The following POMP variants were observed in gnomAD, a reference collection of about 807,000 sequenced individuals.
The protein encoded by POMP is 2510048O06Rik.
POMP carries 12 observed loss-of-function variants against 20.6 expected under a neutral mutation model. The observed-to-expected ratio is 0.58, with a 90% CI of 0.37 to 0.94. The LOEUF (loss-of-function observed/expected upper bound fraction) is 0.94. Among genes scored for constraint, POMP ranks in the 40% least tolerant of loss-of-function variants. The pLI, the probability that POMP is intolerant of heterozygous loss-of-function variation, is 0.01. For synonymous variants in POMP, 53 were observed against 55.0 expected (o/e 0.96, Z 0.16); for missense variants, 136 against 161.1 (o/e 0.84, Z 0.84).
At chr13:28,662,380 A>G (rs1003419014) in intron 1 of POMP, 30 bp from the exon 2 acceptor site, 2 of 1,549,954 alleles carry the variant, frequency 1.3e-6, no homozygotes, top group Non-Finnish European at 1.8e-6. Context: ...TTTTTTTTCT[A>G]TTTAATAATG....
At chr13:28,676,296 G>A (rs1593176411) in intron 5 of POMP, among the ~76,000 whole-genome samples, 2 of 152,122 alleles carry the variant, frequency 1.3e-5, no homozygotes, top group South Asian at 2.1e-4. Flanking sequence ...GGGCCACCGC[G>A]CCTGGCCGGG....
chr13:28,662,903 G>A (rs566636295), intron 2 of POMP, among the ~76,000 whole-genome samples: 1 of 152,250 alleles, frequency 6.6e-6, no homozygotes, highest in African/African-American at 2.4e-5. Flanking sequence ...GGTTTGGATC[G>A]TGGCTCTGCT....
At position 28,664,495 on chromosome 13, in the gene POMP, T is replaced by C; in HGVS notation, c.102-14T>C. ...TAATCTCCTCTAAATGTTTTTTTTT[T>C]AATGTCCTTTCAGTTTTTCTTGTGT... is the stretch of plus-strand genomic sequence containing the variant. On this transcript the variant is annotated splice_polypyrimidine_tract_variant and intron_variant, in intron 2 of 5. Coordinates refer to ENST00000380842, the MANE Select transcript of POMP (RefSeq NM_015932.6). The C allele has an allele frequency of 6.5e-7, 1 of 1,546,138 alleles. No individual in the cohort carries two copies. The highest frequency in any genetic ancestry group is 8.9e-7 in the Non-Finnish European group (1 of 1,121,544).
At chr13:28,677,691 A>G (rs1200103995) in intron 5 of POMP, among the ~76,000 whole-genome samples, 2 of 151,718 alleles carry the variant, frequency 1.3e-5, no homozygotes, top group Non-Finnish European at 2.9e-5. Flanking sequence ...AAGAACTTTG[A>G]AAAAAAAACT....
chr13:28,660,038 T>C (rs1443350975), intron 1 of POMP: 7 of 152,250 alleles, frequency 4.6e-5, no homozygotes, highest in Non-Finnish European at 1.0e-4. Flanking sequence ...CAGCAAGTAC[T>C]AATCTTGATA....
chr13:28,668,538 G>A lies in POMP; in HGVS notation c.228G>A (p.Pro76=), dbSNP rs374762257. 48 of 1,612,456 alleles carry A rather than the reference G, an allele frequency of 3.0e-5. No individual in the cohort carries two copies. The highest frequency in any genetic ancestry group is 1.8e-4 in the East Asian group (8 of 44,834). ...TLRNIQGLFA[P]LKLQMEFKAV... ...GAAACATTCAGGGTCTATTTGCTCC[G>A]CTAAAATTACAGATGGAATTCAAGG... The change falls in exon 4 of 6, where the codon CCG becomes CCA. Residue 76 remains proline (P), a synonymous_variant. Coordinates refer to ENST00000380842, the MANE Select transcript of POMP (RefSeq NM_015932.6).
chr13:28,671,253 T>G (rs1884540478), intron 4 of POMP, among the ~76,000 whole-genome samples: 1 of 152,162 alleles, frequency 6.6e-6, no homozygotes, highest in Non-Finnish European at 1.5e-5. Context: ...TTTTTTAATT[T>G]AATGTGAAAT....
At chr13:28,670,312 G>T (rs1460138455) in intron 4 of POMP, among the ~76,000 whole-genome samples, 4 of 152,046 alleles carry the variant, frequency 2.6e-5, no homozygotes, top group Non-Finnish European at 2.9e-5. Context: ...GGCAGAAATT[G>T]GATAATTAGC....
intron 5 of POMP, among the ~76,000 whole-genome samples, chr13:28,677,693 A>T (rs898530436): frequency 1.2e-4 from 19 of 152,386 alleles, no homozygotes; most frequent in African/African-American, 4.6e-4. Flanking sequence ...GAACTTTGAA[A>T]AAAAAACTTT....
intron 5 of POMP, among the ~76,000 whole-genome samples, chr13:28,676,603 A>G (rs961612082): frequency 3.3e-5 from 5 of 152,192 alleles, no homozygotes; most frequent in Admixed American, 1.3e-4. Context: ...TGTTAAGTCT[A>G]TAATCAGAGA....
At position 28,678,598 on chromosome 13, in the gene POMP, T is replaced by G. The variant is rs1884672230; in HGVS notation, c.*496T>G. The G allele has an allele frequency of 6.4e-6, 1 of 155,354 alleles. No individual in the cohort carries two copies. The highest frequency in any genetic ancestry group is 6.3e-5 in the Admixed American group (1 of 15,806). 9.6% of individuals were successfully genotyped at this position (155,354 alleles called of 1,614,324 possible). ...TTACTGTGTCAGTGCTATTTTAGGA[T>G]TATAGTTATTGTTTGATTATTTCAG... On this transcript the variant is annotated 3_prime_UTR_variant, in exon 6 of 6. Transcript: ENST00000380842.
chr13:28,675,144 T>C (rs77260030), intron 5 of POMP, among the ~76,000 whole-genome samples: 1 of 98,728 alleles, frequency 1.0e-5, no homozygotes, highest in African/African-American at 3.8e-5. Flanking sequence ...TTTAGGTAGA[T>C]TTTTTTTGTT....
chr13:28,668,621 G>C, intron 4 of POMP, 47 bp downstream of exon 4: 1 of 1,391,882 alleles, frequency 7.2e-7, no homozygotes, highest in African/African-American at 1.4e-5. Flanking sequence ...TCATTCATGA[G>C]GAATCTTCTG....
In POMP at chr13:28,678,124, C is replaced by T. The variant is rs373592176; in HGVS notation, c.*22C>T. The T allele has an allele frequency of 3.2e-4, 518 of 1,601,320 alleles. 1 individual carries two copies. Among genetic ancestry groups the T allele is most frequent in the Non-Finnish European group, 3.9e-4 (456 of 1,168,730 alleles). ...GTAATAGTGTGCTGTTCATGGAAAC[C>T]GAGGGCTGCATCTTGTTTATAGTCA... On this transcript the variant is annotated 3_prime_UTR_variant, in exon 6 of 6. Coordinates refer to ENST00000380842, the MANE Select transcript of POMP (RefSeq NM_015932.6).
At chr13:28,659,270 G>C (rs1324436907) in intron 1 of POMP, 83 bp downstream of exon 1, 35 of 1,543,186 alleles carry the variant, frequency 2.3e-5, no homozygotes, top group Non-Finnish European at 3.0e-5. Context: ...CTCCCAACCC[G>C]TCCCCGGTGG....
At chr13:28,674,886 T>A (rs4769631) in intron 5 of POMP, among the ~76,000 whole-genome samples, 35,254 of 151,220 alleles carry the variant, frequency 0.23, 4,659 homozygotes, top group African/African-American at 0.33. Flanking sequence ...TTTTTTTTTT[T>A]AAATTAATTG....
At chr13:28,672,272 G>T in intron 4 of POMP, 67 bp from the exon 5 acceptor site, 1 of 1,189,418 alleles carries the variant, frequency 8.4e-7, no homozygotes, top group South Asian at 1.2e-5. Context: ...CATGAAATTA[G>T]ACTATATATT....
intron 4 of POMP, among the ~76,000 whole-genome samples, chr13:28,669,654 T>C (rs1884512091): frequency 7.2e-6 from 1 of 139,678 alleles, no homozygotes; most frequent in Admixed American, 6.8e-5. Context: ...AACACCACAC[T>C]TTCCTGATGT....
At chr13:28,664,304 CT>C (rs551465306) in intron 2 of POMP, among the ~76,000 whole-genome samples, 1 of 150,910 alleles carries the variant, frequency 6.6e-6, no homozygotes, top group East Asian at 1.9e-4. Flanking sequence ...TTATATATAC[CT>C]TTTTTTTTCC....
Sources: gnomAD v4.1 joint callset for allele counts (sites outside exome capture counted in the v4.1 genomes callset) on GRCh38, gnomAD v4.1.1 for gene constraint, MANE v1.5 for transcripts, NCBI Gene and HGNC (gene_info 2026-07-23, HGNC 2026-07-21) for gene names.